PAPLN: variants seen among roughly 807,000 people sequenced by gnomAD.
The protein encoded by PAPLN is papilin.
A neutral mutation model predicts 159.0 loss-of-function variants in PAPLN; 146 were observed. The ratio of observed to expected loss-of-function variants is 0.92; its 90% CI spans 0.80 to 1.05. The LOEUF (loss-of-function observed/expected upper bound fraction) is 1.05. PAPLN is among the 50% of genes least tolerant of loss of function. The pLI, the probability that PAPLN is intolerant of heterozygous loss-of-function variation, is 0.00. For synonymous variants in PAPLN, 734 were observed against 702.9 expected, an observed-to-expected ratio of 1.04 and a Z score of -0.70; for missense variants, 1,720 against 1,743.9, an observed-to-expected ratio of 0.99 and a Z score of 0.24.
Position 73,246,149 on chromosome 14 carries a change from G to C in PAPLN, c.308G>C (p.Arg103Pro). The C allele has an allele frequency of 6.3e-7, 1 of 1,590,634 alleles. No homozygotes were observed. The highest frequency in any genetic ancestry group is 2.3e-5 in the East Asian group (1 of 42,646). Residue 103 changes from arginine to proline, a missense_variant, in exon 5 of 27, where the codon CGG (arginine) becomes CCG (proline). Physicochemically the swap from Arg to Pro is moderately radical, Grantham distance 103 (BLOSUM62 -2). Coordinates refer to ENST00000644200, the MANE Select transcript of PAPLN (RefSeq NM_001365906.3). ...EFDGAEFQGR[R>P]YRWLPYYSAP... ...GACGGAGCGGAGTTCCAGGGGCGGC[G>C]GTATCGGTGGCTGCCCTACTACAGC...
Position 73,252,079 on chromosome 14 carries a change from C to T in PAPLN, c.905C>T (p.Pro302Leu), listed in dbSNP as rs1594797541. ...HYEYHLPLRRPSPGFSWSHGS... is the reference protein window; with the variant it reads ...HYEYHLPLRRLSPGFSWSHGS... The stretch of plus-strand genomic sequence containing the variant: ...GAGTACCACCTGCCCCTGCGCCGCC[C>T]CAGCCCCGGCTTCAGCTGGAGCCAC... Residue 302 changes from proline (P) to leucine (L), a missense_variant, in exon 10 of 27, where the codon CCC (proline) becomes CTC (leucine). Transcript: ENST00000644200. 1.9e-6 allele frequency: 3 copies of T among 1,611,694 alleles called. No homozygotes were observed. The highest frequency in any genetic ancestry group is 1.1e-5 in the South Asian group (1 of 90,652).
At chr14:73,263,095 G>A (rs556936561) in intron 19 of PAPLN, 370 of 400,774 alleles carry the variant, frequency 9.2e-4, no homozygotes, top group East Asian at 2.1e-3. Flanking sequence ...AGTATACCCC[G>A]GGGCCTGTCT....
At chr14:73,249,342 C>T (rs1238416758) in intron 5 of PAPLN, among the ~76,000 whole-genome samples, 3 of 152,296 alleles carry the variant, frequency 2.0e-5, no homozygotes, top group African/African-American at 7.2e-5. Flanking sequence ...ACTGCATAGT[C>T]AGCATGTGTA....
intron 11 of PAPLN, chr14:73,253,236 A>G (rs1678755087): frequency 1.5e-6 from 2 of 1,358,040 alleles, no homozygotes; most frequent in Non-Finnish European, 1.9e-6. Flanking sequence ...GGTAACCTGC[A>G]GGTCACAGGC....
At chr14:73,254,025 T>C (rs1594802211) in intron 12 of PAPLN, 64 bp downstream of exon 12, 4 of 1,514,900 alleles carry the variant, frequency 2.6e-6, no homozygotes, top group Non-Finnish European at 3.6e-6. Context: ...AGGGCTGGGG[T>C]CTTGTTCTCT....
Position 73,265,317 on chromosome 14 carries a change from T to A in PAPLN, c.3126-53T>A, listed in dbSNP as rs910922789. ...GCTTGTGCAGAGGTGCCCATGGGAG[T>A]AGGCGGGGGCAACGGCAAGGGCCCC... On this transcript the variant is annotated intron_variant, in intron 22 of 26. Transcript: ENST00000644200. The surrounding 1 kb of genome is among the most constrained non-coding windows in gnomAD (Gnocchi z 4.1). 1.7e-5 allele frequency: 27 copies of A among 1,581,478 alleles called. No homozygotes were observed. The African/African-American group carries it at 3.2e-4, about 19-fold the overall frequency.
chr14:73,259,937 C>T (rs948596313), intron 16 of PAPLN, among the ~76,000 whole-genome samples: 1 of 152,184 alleles, frequency 6.6e-6, no homozygotes, highest in Non-Finnish European at 1.5e-5. Context: ...GCCACTCCCG[C>T]CTTATGGAAT....
At position 73,255,011 on chromosome 14, in the gene PAPLN, C is replaced by A. The variant is rs1417541988; in HGVS notation, c.1620C>A (p.Leu540=). Residue 540 remains leucine, a synonymous_variant, in exon 14 of 27, where the codon CTC becomes CTA. Transcript: ENST00000644200. Reference sequence around the variant, plus strand: ...CTTGTAACACGCAGCCCTGTCATCTCCCCCAGGGTAAGGACAGGAGGGCAG... The same window carrying A: ...CTTGTAACACGCAGCCCTGTCATCTACCCCAGGGTAAGGACAGGAGGGCAG... ...VEPCNTQPCH[L]PQEVPSMQDV... 1 of 1,612,692 alleles carries A rather than the reference C, an allele frequency of 6.2e-7. No homozygotes were observed. The highest frequency in any genetic ancestry group is 8.5e-7 in the Non-Finnish European group (1 of 1,179,594).
intron 23 of PAPLN, 44 bp from the exon 24 acceptor site, chr14:73,266,457 G>C: frequency 1.9e-6 from 3 of 1,606,590 alleles, no homozygotes; most frequent in Non-Finnish European, 2.6e-6. Flanking sequence ...GAGGAGAGGG[G>C]AGGCTCCTTG....
In PAPLN at chr14:73,266,608, G is replaced by T; in HGVS notation, c.3371G>T (p.Trp1124Leu). 4 of 1,614,192 alleles carry T rather than the reference G, an allele frequency of 2.5e-6. No homozygotes were observed. Among genetic ancestry groups the T allele is most frequent in the Non-Finnish European group, 3.4e-6 (4 of 1,180,036 alleles). ...AATGGGCAGGACCGAGACCAGCGAT[G>T]GGTCCAGCTCAGAGTTCTGGGTAAA... ...AFNGQDRDQR[W>L]VQLRVLGELT... is the part of the protein sequence containing the mutation. Residue 1124 changes from tryptophan to leucine, a missense_variant, in exon 24 of 27, where the codon TGG becomes TTG. Physicochemically the swap from Trp to Leu is moderately conservative, Grantham distance 61. Coordinates refer to ENST00000644200, the MANE Select transcript of PAPLN (RefSeq NM_001365906.3).
chr14:73,269,810 C>G (rs1187192358), intron 26 of PAPLN, among the ~76,000 whole-genome samples: 1 of 152,152 alleles, frequency 6.6e-6, no homozygotes, highest in African/African-American at 2.4e-5. Flanking sequence ...CTGGGCATTC[C>G]TGACAATCAG....
Position 73,268,668 on chromosome 14 carries a change from C to G in PAPLN, c.3612C>G (p.Ala1204=), listed in dbSNP as rs148984007. Residue 1204 remains alanine (A), a synonymous_variant, in exon 26 of 27, where the codon GCC becomes GCG. Transcript: ENST00000644200. ...ARDEGSYTCS[A]YQGSQAVSRS... ...ATGAGGGCTCCTACACGTGCAGTGC[C>G]TACCAGGGGAGCCAGGCAGTCAGCC... 1.2e-6 allele frequency: 2 copies of G among 1,613,760 alleles called. No homozygotes were observed. The highest frequency in any genetic ancestry group is 2.7e-5 in the African/African-American group (2 of 74,926).
rs1350936617 is a variant in PAPLN, at chr14:73,264,326, C to T, written c.2977C>T (p.Arg993Cys). 3.7e-6 allele frequency: 6 copies of T among 1,613,588 alleles called. No homozygotes were observed. Among genetic ancestry groups the T allele is most frequent in the African/African-American group, 2.7e-5 (2 of 74,926 alleles). The change falls in exon 21 of 27, where the codon CGC (arginine) becomes TGC (cysteine). Residue 993 changes from arginine (R) to cysteine (C), a missense_variant. Physicochemically the swap from Arg to Cys is radical, Grantham distance 180 (BLOSUM62 -3). Coordinates refer to ENST00000644200, the MANE Select transcript of PAPLN (RefSeq NM_001365906.3). ...CCGCGACTCCCAGAAGATCCAACTTCGCATCATAGGTCTCTGTCCCCACCC... is the reference window on the plus strand; with the variant it reads ...CCGCGACTCCCAGAAGATCCAACTTTGCATCATAGGTCTCTGTCCCCACCC... ...PGRDSQKIQL[R>C]IIGGDMAVLS...
chr14:73,246,441 G>T (rs1485021486), intron 5 of PAPLN, among the ~76,000 whole-genome samples: 21 of 137,836 alleles, frequency 1.5e-4, no homozygotes, highest in Admixed American at 7.2e-4. Context: ...GGGCGCGGGG[G>T]CTCGCAATGT....
At chr14:73,263,581 G>A in intron 19 of PAPLN, 64 bp from the exon 20 acceptor site, 1 of 1,606,360 alleles carries the variant, frequency 6.2e-7, no homozygotes, top group Non-Finnish European at 8.5e-7. Flanking sequence ...GGAACACACT[G>A]CTTAGGGTGG....
At chr14:73,255,144 C>T in intron 14 of PAPLN, 126 bp downstream of exon 14, 1 of 1,301,468 alleles carries the variant, frequency 7.7e-7, no homozygotes, top group South Asian at 1.5e-5. Context: ...CCCCACTTCT[C>T]CCATGTCTCC....
chr14:73,249,866 C>A (rs934940696), intron 5 of PAPLN, 118 bp from the exon 6 acceptor site: 3 of 1,201,428 alleles, frequency 2.5e-6, no homozygotes, highest in Admixed American at 3.2e-5. Flanking sequence ...CTGTGCTCTG[C>A]GGGGCCTGCT....
chr14:73,265,542 GC>G lies in PAPLN; in HGVS notation c.3263+37del. ...ACTCCTCTCCCCTTCCTCCTATTCT[GC>G]CTCCAGCCCCACCTTATCCTATGGA... is the stretch of plus-strand genomic sequence containing the variant. On this transcript the variant is annotated intron_variant, in intron 23 of 26. Coordinates refer to ENST00000644200, the MANE Select transcript of PAPLN (RefSeq NM_001365906.3). The surrounding 1 kb of genome is among the most constrained non-coding windows in gnomAD (Gnocchi z 4.1). 1 of 1,605,294 alleles carries G rather than the reference GC, an allele frequency of 6.2e-7. No homozygotes were observed. Among genetic ancestry groups the G allele is most frequent in the Non-Finnish European group, 8.5e-7 (1 of 1,175,334 alleles).
intron 5 of PAPLN, among the ~76,000 whole-genome samples, chr14:73,247,414 G>A (rs1288847921): frequency 6.6e-6 from 1 of 152,224 alleles, no homozygotes; most frequent in Non-Finnish European, 1.5e-5. Context: ...TGGAGACCCT[G>A]TGGCACTCTA....
Sources: allele counts gnomAD v4.1 joint callset (sites outside exome capture counted in the v4.1 genomes callset), GRCh38; gene constraint gnomAD v4.1.1; non-coding constraint Gnocchi (gnomAD v3.1); transcripts MANE v1.5; gene names NCBI Gene and HGNC (gene_info 2026-07-23, HGNC 2026-07-21).